Variants in HCN1 observed in about 807,000 individuals in gnomAD.
The protein encoded by HCN1 is potassium/sodium hyperpolarization-activated cyclic nucleotide-gated channel 1.
HCN1 carries 13 observed loss-of-function variants against 78.9 expected under a neutral mutation model. The ratio of observed to expected loss-of-function variants is 0.16; its 90% CI spans 0.11 to 0.26. HCN1 has a LOEUF of 0.26. HCN1 is among the 10% of genes least tolerant of loss of function. HCN1 has a pLI of 1.00. For missense variants in HCN1, 810 were observed against 1,154.3 expected, an observed-to-expected ratio of 0.70 and a Z score of 4.32; for synonymous variants, 552 against 455.5, an observed-to-expected ratio of 1.21 and a Z score of -2.70.
chr5:45,686,434 G>A (rs1465112075), intron 1 of HCN1, among the ~76,000 whole-genome samples: 1 of 152,102 alleles, frequency 6.6e-6, no homozygotes, highest in Non-Finnish European at 1.5e-5. Context: ...TGGAACACAA[G>A]GACTTAGCTT....
intron 2 of HCN1, among the ~76,000 whole-genome samples, chr5:45,477,946 T>C (rs1741554676): frequency 6.6e-6 from 1 of 152,162 alleles, no homozygotes; most frequent in Admixed American, 6.6e-5. Flanking sequence ...AAGACACTCA[T>C]TCACTATTGG....
chr5:45,292,284 A>G (rs1372704830), intron 6 of HCN1, among the ~76,000 whole-genome samples: 1 of 152,036 alleles, frequency 6.6e-6, no homozygotes, highest in African/African-American at 2.4e-5. Flanking sequence ...TATGGCTATT[A>G]ACATTTAATT....
At chr5:45,376,218 T>TTATATATAA (rs368899119) in intron 4 of HCN1, among the ~76,000 whole-genome samples, 1 of 1,298 alleles carries the variant, frequency 7.7e-4, no homozygotes, top group Non-Finnish European at 1.6e-3. Flanking sequence ...ATATAATACA[T>TTATATATAA]TATATATAAT....
At chr5:45,561,246 T>A (rs903222371) in intron 2 of HCN1, among the ~76,000 whole-genome samples, 1 of 152,150 alleles carries the variant, frequency 6.6e-6, no homozygotes, top group African/African-American at 2.4e-5. Flanking sequence ...AATCTTTATG[T>A]TTTCCTCTTT....
chr5:45,589,064 G>GA (rs751947775), intron 2 of HCN1, among the ~76,000 whole-genome samples: 1 of 152,150 alleles, frequency 6.6e-6, no homozygotes, highest in Non-Finnish European at 1.5e-5. Flanking sequence ...TTATGTTACA[G>GA]AAATGAGAAT....
At chr5:45,339,318 T>C (rs1262418236) in intron 5 of HCN1, among the ~76,000 whole-genome samples, 1 of 151,948 alleles carries the variant, frequency 6.6e-6, no homozygotes, top group African/African-American at 2.4e-5. Context: ...TGACAGAAAA[T>C]TTATGAATGA....
intron 2 of HCN1, among the ~76,000 whole-genome samples, chr5:45,495,042 C>T (rs1406099521): frequency 6.9e-6 from 1 of 144,290 alleles, no homozygotes; most frequent in Non-Finnish European, 1.5e-5. Flanking sequence ...GTGATGCCTC[C>T]AGCTTTGTTC....
At chr5:45,373,043 A>G (rs1283350740) in intron 4 of HCN1, among the ~76,000 whole-genome samples, 1 of 136,692 alleles carries the variant, frequency 7.3e-6, no homozygotes, top group South Asian at 2.2e-4. Context: ...TTAAATATAT[A>G]AAATATAATA....
chr5:45,313,053 C>A (rs1471040883), intron 5 of HCN1, among the ~76,000 whole-genome samples: 1 of 152,188 alleles, frequency 6.6e-6, no homozygotes, highest in African/African-American at 2.4e-5. Flanking sequence ...GATCTGAGAA[C>A]AGACAGACTG....
chr5:45,667,716 C>T (rs1036642159), intron 1 of HCN1, among the ~76,000 whole-genome samples: 1 of 151,992 alleles, frequency 6.6e-6, no homozygotes, highest in African/African-American at 2.4e-5. Context: ...ATAAACACAA[C>T]TAACATTAGT....
intron 5 of HCN1, among the ~76,000 whole-genome samples, chr5:45,346,910 C>G (rs890383535): frequency 2.0e-5 from 3 of 152,236 alleles, no homozygotes; most frequent in Non-Finnish European, 4.4e-5. Context: ...GCCTGCCTGC[C>G]TCTGTAGGCT....
intron 3 of HCN1, among the ~76,000 whole-genome samples, chr5:45,451,431 C>T (rs533637339): frequency 6.6e-6 from 1 of 152,022 alleles, no homozygotes; most frequent in African/African-American, 2.4e-5. Context: ...GTTTGATTTG[C>T]CTAATATTTA....
At chr5:45,397,610 C>T (rs1293608582) in intron 3 of HCN1, among the ~76,000 whole-genome samples, 4 of 151,304 alleles carry the variant, frequency 2.6e-5, no homozygotes, top group Non-Finnish European at 5.9e-5. Context: ...AATGAGGGGG[C>T]TCTGGTTCAA....
intron 5 of HCN1, among the ~76,000 whole-genome samples, chr5:45,321,899 C>CTTT (rs1746133962): frequency 6.6e-6 from 1 of 151,758 alleles, no homozygotes; most frequent in Non-Finnish European, 1.5e-5. Flanking sequence ...GTTTATTTTG[C>CTTT]ATACAAAAAT....
chr5:45,470,135 C>A (rs555715948), intron 2 of HCN1, among the ~76,000 whole-genome samples: 1 of 152,126 alleles, frequency 6.6e-6, no homozygotes, highest in South Asian at 2.1e-4. Flanking sequence ...TTACATCATG[C>A]ATTGGCACAG....
chr5:45,264,793 A>C (rs760523317), intron 7 of HCN1, among the ~76,000 whole-genome samples: 6 of 152,126 alleles, frequency 3.9e-5, no homozygotes, highest in Non-Finnish European at 8.8e-5. Context: ...CTTTTAATAC[A>C]CTCTTACTAT....
At chr5:45,527,931 G>C (rs1262933280) in intron 2 of HCN1, among the ~76,000 whole-genome samples, 1 of 99,594 alleles carries the variant, frequency 1.0e-5, no homozygotes, top group African/African-American at 3.9e-5. Context: ...CTAAATTTAG[G>C]GTTTTTTTTT....
intron 1 of HCN1, among the ~76,000 whole-genome samples, chr5:45,669,134 G>A (rs1464550939): frequency 5.3e-5 from 8 of 151,820 alleles, no homozygotes; most frequent in Non-Finnish European, 1.0e-4. Flanking sequence ...GTTTTAGTTT[G>A]TAGAAATTAA....
chr5:45,353,860 T>G (rs1458459106), intron 4 of HCN1, among the ~76,000 whole-genome samples: 1 of 151,926 alleles, frequency 6.6e-6, no homozygotes, highest in Non-Finnish European at 1.5e-5. Flanking sequence ...CATTACTGTA[T>G]AGCTGAAAGT....
Sources: allele counts gnomAD v4.1 joint callset (sites outside exome capture counted in the v4.1 genomes callset), GRCh38; gene constraint gnomAD v4.1.1; transcripts MANE v1.5; gene names NCBI Gene and HGNC (gene_info 2026-07-23, HGNC 2026-07-21).